The following FKBP15 variants were observed in gnomAD, a reference collection of about 807,000 sequenced individuals.
FKBP15 encodes FKBP prolyl isomerase family member 15.
Under a neutral mutation model 158.1 loss-of-function variants are expected in FKBP15, and 106 were observed. The observed-to-expected ratio is 0.67, with a 90% CI of 0.57 to 0.79. The LOEUF is 0.79. Ranked by LOEUF, FKBP15 falls within the 30% of genes least tolerant of loss-of-function variation. FKBP15 has a pLI of 0.00. For missense variants in FKBP15, 1,287 were observed against 1,479.1 expected, an observed-to-expected ratio of 0.87 and a Z score of 2.13; for synonymous variants, 547 against 548.6, an observed-to-expected ratio of 1.00 and a Z score of 0.04.
chr9:113,201,919 A>C (rs1431598876), intron 6 of FKBP15, among the ~76,000 whole-genome samples: 1 of 152,370 alleles, frequency 6.6e-6, no homozygotes, highest in East Asian at 1.9e-4. Context: ...TATTATGCAT[A>C]GAAAAAAGGA....
At chr9:113,203,974 A>G (rs981536034) in intron 4 of FKBP15, among the ~76,000 whole-genome samples, 6 of 152,190 alleles carry the variant, frequency 3.9e-5, no homozygotes, top group African/African-American at 1.4e-4. Context: ...GTAGTATTCT[A>G]TTATGTGAAT....
chr9:113,178,385 T>G (rs753603308), intron 20 of FKBP15, among the ~76,000 whole-genome samples: 45 of 152,348 alleles, frequency 3.0e-4, no homozygotes, highest in Non-Finnish European at 4.6e-4. Flanking sequence ...CCAAAGATTT[T>G]GAAGCCAACA....
intron 1 of FKBP15, among the ~76,000 whole-genome samples, chr9:113,218,377 TTATA>T (rs10539484): frequency 0.086 from 8,686 of 100,958 alleles, 310 homozygotes; most frequent in Non-Finnish European, 0.11. Context: ...GTAAATACAA[TTATA>T]TATATATATA....
At position 113,176,534 on chromosome 9, in the gene FKBP15, T is replaced by C. The variant is rs1564155494; in HGVS notation, c.2223+3A>G. Reference sequence around the variant, plus strand: ...TTCTGGCCAACTGGGTTGTAGAGCTTACCTTTTCCAAGGACTCCTTCTCAA... The same window carrying C: ...TTCTGGCCAACTGGGTTGTAGAGCTCACCTTTTCCAAGGACTCCTTCTCAA... On this transcript the variant is annotated splice_donor_region_variant and intron_variant, in intron 21 of 27. Transcript: ENST00000238256. 2 of 1,553,342 alleles carry C rather than the reference T, an allele frequency of 1.3e-6. No individual in the cohort carries two copies. Among genetic ancestry groups the C allele is most frequent in the South Asian group, 2.4e-5 (2 of 84,254 alleles).
intron 26 of FKBP15, among the ~76,000 whole-genome samples, chr9:113,168,976 ACCACACTACCACAGTGCCCG>A (rs1383878450): frequency 1.2e-4 from 7 of 59,052 alleles, no homozygotes; most frequent in East Asian, 2.9e-4. Context: ...CACAGGGCCC[ACCACACTACCACAGTGCCCG>A]CCACACTACC....
At chr9:113,202,455 CTA>C in intron 6 of FKBP15, 74 bp downstream of exon 6, 1 of 1,135,358 alleles carries the variant, frequency 8.8e-7, no homozygotes, top group East Asian at 2.6e-5. Context: ...TATGGGTTTT[CTA>C]TATGTTTCCC....
rs892183568 is a variant in FKBP15 at position 113,179,772 on chromosome 9, G to A, written c.1915-971C>T. 4.6e-5 allele frequency among the ~76,000 whole-genome samples: 7 copies of A among 151,642 alleles called. No individual in the cohort carries two copies. The South Asian group carries it at 8.3e-4, about 18-fold the overall frequency. On this transcript the variant is annotated intron_variant, in intron 19 of 27. Coordinates refer to ENST00000238256, the MANE Select transcript of FKBP15 (RefSeq NM_015258.2). ...TTTTATTCCTTCACTTAATAAACTT[G>A]CTTTCACTTTAAAAAATAAATAAAT...
chr9:113,184,857 G>C lies in FKBP15; in HGVS notation c.1499-53C>G, dbSNP rs749579717. ...TTATGAAACTGGAGCAGAGGAAACT[G>C]TATGAAGAAAAGCTAGTAGCTCTTC... On this transcript the variant is annotated intron_variant, in intron 15 of 27. Coordinates refer to ENST00000238256, the MANE Select transcript of FKBP15 (RefSeq NM_015258.2). This position sits in a 1 kb window ranked among gnomAD's most constrained non-coding sequence, Gnocchi z 4.5. The C allele has an allele frequency of 7.2e-7, 1 of 1,394,426 alleles. No individual in the cohort carries two copies. Among genetic ancestry groups the C allele is most frequent in the Non-Finnish European group, 9.9e-7 (1 of 1,009,980 alleles). The allele number at this position is 1,394,426 out of a possible 1,614,324, so 86.4% of individuals were successfully genotyped here. A position where few individuals can be genotyped will look rare whatever the true frequency, so the allele number is the denominator to read the frequency against.
chr9:113,176,420 C>T, intron 21 of FKBP15, 117 bp downstream of exon 21: 2 of 1,231,372 alleles, frequency 1.6e-6, no homozygotes, highest in Non-Finnish European at 1.1e-6. Context: ...TTTAATTTTA[C>T]ACTTTTCTAT....
intron 2 of FKBP15, among the ~76,000 whole-genome samples, chr9:113,208,885 A>G (rs1009092345): frequency 2.6e-5 from 4 of 151,730 alleles, no homozygotes; most frequent in African/African-American, 9.7e-5. Flanking sequence ...GTGCACCTGG[A>G]GTCCCAGGTA....
chr9:113,188,687 CCTT>C, intron 12 of FKBP15, 196 bp from the exon 13 acceptor site: 1 of 543,140 alleles, frequency 1.8e-6, no homozygotes, highest in Non-Finnish European at 3.3e-6. Flanking sequence ...AAGTAAGAGT[CCTT>C]CTCCCTATAA....
intron 1 of FKBP15, among the ~76,000 whole-genome samples, chr9:113,218,410 T>TATATATATATATATAC (rs1831188661): frequency 7.2e-6 from 1 of 139,286 alleles, no homozygotes; most frequent in African/African-American, 2.6e-5. Flanking sequence ...TATATATATA[T>TATATATATATATATAC]ATACATTTCT....
intron 23 of FKBP15, 119 bp downstream of exon 23, chr9:113,173,334 G>GT: frequency 9.6e-7 from 1 of 1,038,330 alleles, no homozygotes; most frequent in African/African-American, 1.6e-5. Flanking sequence ...AACAAGTGTG[G>GT]TTTTGTCTTC....
At chr9:113,191,182 CTT>C (rs34475285) in intron 11 of FKBP15, among the ~76,000 whole-genome samples, 2 of 146,618 alleles carry the variant, frequency 1.4e-5, no homozygotes, top group Non-Finnish European at 1.5e-5. Flanking sequence ...ATTATTATTA[CTT>C]TTTTTTTTTT....
Position 113,184,161 on chromosome 9 carries a change from A to C in FKBP15, c.1716+131T>G. 1 of 653,536 alleles carries C rather than the reference A, an allele frequency of 1.5e-6. No homozygotes were observed. Among genetic ancestry groups the C allele is most frequent in the South Asian group, 2.0e-5 (1 of 50,984 alleles). 40.5% of individuals were successfully genotyped at this position (653,536 alleles called of 1,614,324 possible). ...AGAATTAAGCCATAATGGATTTTCT[A>C]GAATTGTCTAACCCAGTGTAGCGTT... On this transcript the variant is annotated intron_variant, in intron 17 of 27. Transcript: ENST00000238256. The surrounding 1 kb of genome is among the most constrained non-coding windows in gnomAD (Gnocchi z 4.5).
At position 113,184,769 on chromosome 9, in the gene FKBP15, C is replaced by A. The variant is rs1365851860; in HGVS notation, c.1534G>T (p.Ala512Ser). 2.5e-6 allele frequency: 4 copies of A among 1,605,640 alleles called. No homozygotes were observed. The highest frequency in any genetic ancestry group is 3.4e-5 in the Admixed American group (2 of 58,738). ...GDMASFLMTE[A>S]RQHNTEIRMA... is the part of the protein sequence containing the mutation. ...CGAATTTCAGTGTTATGTTGCCGGG[C>A]TTCAGTCATGAGAAATGAAGCCATA... The change falls in exon 16 of 28, where the codon GCC (alanine) becomes TCC (serine). Residue 512 changes from alanine (A) to serine (S), a missense_variant. Coordinates refer to ENST00000238256, the MANE Select transcript of FKBP15 (RefSeq NM_015258.2). The surrounding 1 kb of genome is among the most constrained non-coding windows in gnomAD (Gnocchi z 4.5).
chr9:113,168,358 G>T, intron 27 of FKBP15, 102 bp downstream of exon 27: 1 of 995,590 alleles, frequency 1.0e-6, no homozygotes. Flanking sequence ...ACAGAGTCCA[G>T]GGAGTGGGCC....
chr9:113,176,480 G>A, intron 21 of FKBP15, 57 bp downstream of exon 21: 2 of 1,508,154 alleles, frequency 1.3e-6, no homozygotes, highest in Non-Finnish European at 1.8e-6. Flanking sequence ...TTTGTAAAAG[G>A]AAAATAAAAA....
chr9:113,171,731 G>T, intron 23 of FKBP15, 25 bp from the exon 24 acceptor site: 1 of 1,456,644 alleles, frequency 6.9e-7, no homozygotes, highest in South Asian at 1.3e-5. Context: ...GACTGTGGCT[G>T]TGGCCTCAGG....
Sources: gnomAD v4.1 joint callset for allele counts (sites outside exome capture counted in the v4.1 genomes callset) on GRCh38, gnomAD v4.1.1 for gene constraint, Gnocchi (gnomAD v3.1) non-coding constraint, MANE v1.5 for transcripts, NCBI Gene and HGNC (gene_info 2026-07-23, HGNC 2026-07-21) for gene names.